NFKB1: variants seen among roughly 807,000 people sequenced by gnomAD.
NFKB1 encodes the protein nuclear factor NF-kappa-B p105 subunit.
NFKB1 carries 9 observed loss-of-function variants against 105.1 expected under a neutral mutation model. The ratio of observed to expected loss-of-function variants is 0.09; its 90% CI spans 0.05 to 0.15. The LOEUF (loss-of-function observed/expected upper bound fraction) is 0.15, where lower values mean the gene tolerates loss of function less well. Ranked by LOEUF, NFKB1 falls within the 10% of genes least tolerant of loss-of-function variation. The probability of loss-of-function intolerance (pLI) is 1.00; values close to 1 mark genes in which losing one functional copy is unlikely to be tolerated. For synonymous variants in NFKB1, 440 were observed against 442.2 expected, an observed-to-expected ratio of 1.00 and a Z score of 0.06; for missense variants, 830 against 1,203.7, an observed-to-expected ratio of 0.69 and a Z score of 4.59.
At chr4:102,554,140 TG>T (rs958757886) in intron 5 of NFKB1, among the ~76,000 whole-genome samples, 50 of 152,278 alleles carry the variant, frequency 3.3e-4, no homozygotes, top group African/African-American at 1.1e-3. Flanking sequence ...CTAGTGATTC[TG>T]CAAATGAAGA....
chr4:102,550,271 G>T (rs1722473742), intron 5 of NFKB1, among the ~76,000 whole-genome samples: 1 of 151,682 alleles, frequency 6.6e-6, no homozygotes, highest in African/African-American at 2.4e-5. Flanking sequence ...CCTTATTTCT[G>T]AAATTGTAAG....
rs1578724185 is a variant in NFKB1 at position 102,528,050 on chromosome 4, A to G, written c.40-1786A>G. Among the ~76,000 whole-genome samples the G allele has an allele frequency of 2.0e-5, 3 of 152,072 alleles. No individual in the cohort carries two copies. In the East Asian group the frequency reaches 5.8e-4, roughly 29 times the overall value. ...GTGGTTTATATTTCCTAAAGTTTGCATGTCCTCAGTGTTTTAGTGGAGTCT... is the reference window on the plus strand; with the variant it reads ...GTGGTTTATATTTCCTAAAGTTTGCGTGTCCTCAGTGTTTTAGTGGAGTCT... On this transcript the variant is annotated intron_variant, in intron 2 of 23. Transcript: ENST00000226574.
At chr4:102,561,244 G>A (rs772209506) in intron 5 of NFKB1, among the ~76,000 whole-genome samples, 58 of 146,958 alleles carry the variant, frequency 3.9e-4, no homozygotes, top group African/African-American at 1.3e-3. Context: ...TTAAAATAGC[G>A]TTATTCTCTT....
At chr4:102,546,090 T>A (rs1305386002) in intron 5 of NFKB1, among the ~76,000 whole-genome samples, 5 of 152,006 alleles carry the variant, frequency 3.3e-5, no homozygotes, top group Admixed American at 3.3e-4. Context: ...CCTGTCTCTA[T>A]AAAAAAAATT....
At chr4:102,584,863 T>C in intron 11 of NFKB1, 43 bp downstream of exon 11, 1 of 1,540,696 alleles carries the variant, frequency 6.5e-7, no homozygotes, top group Non-Finnish European at 8.8e-7. Context: ...TTTTATTTTA[T>C]TTTATTTTTG....
At chr4:102,551,367 T>TGTGTGTGCGCGC (rs370790173) in intron 5 of NFKB1, among the ~76,000 whole-genome samples, 10 of 150,094 alleles carry the variant, frequency 6.7e-5, no homozygotes, top group African/African-American at 2.2e-4. Flanking sequence ...TGTGTGTGTG[T>TGTGTGTGCGCGC]GCGCGCGCGC....
chr4:102,562,843 G>A (rs547708639), intron 5 of NFKB1, among the ~76,000 whole-genome samples: 5 of 152,244 alleles, frequency 3.3e-5, no homozygotes, highest in East Asian at 1.9e-4. Context: ...ACAGATTTCC[G>A]TTTGAAAATT....
chr4:102,598,313 A>G (rs537168904), intron 15 of NFKB1, among the ~76,000 whole-genome samples: 1 of 152,270 alleles, frequency 6.6e-6, no homozygotes, highest in South Asian at 2.1e-4. Flanking sequence ...TTTCATTGAG[A>G]CTTCTAAAAT....
intron 16 of NFKB1, among the ~76,000 whole-genome samples, chr4:102,606,276 A>G (rs1727713713): frequency 6.6e-6 from 1 of 152,252 alleles, no homozygotes; most frequent in South Asian, 2.1e-4. Context: ...GAATTTTAAA[A>G]CATGAATTAT....
At chr4:102,537,684 C>T (rs889504352) in intron 4 of NFKB1, 174 bp from the exon 5 acceptor site, 7 of 488,836 alleles carry the variant, frequency 1.4e-5, no homozygotes, top group Middle Eastern at 5.4e-4. Context: ...TACCATTTTT[C>T]GTAGTAAGAT....
At chr4:102,527,511 G>A (rs1396316896) in intron 2 of NFKB1, among the ~76,000 whole-genome samples, 1 of 152,232 alleles carries the variant, frequency 6.6e-6, no homozygotes, top group East Asian at 1.9e-4. Flanking sequence ...ATGTTTTAAA[G>A]GCTCTGGTAT....
Position 102,567,134 on chromosome 4 carries a change from G to T in NFKB1, c.406G>T (p.Gly136Cys), listed in dbSNP as rs199574943. ...VTAGPKDMVVGFANLGILHVT... is the reference protein window; with the variant it reads ...VTAGPKDMVVCFANLGILHVT... ...TGCTGGACCCAAGGACATGGTGGTC[G>T]GGTAAGTAGGGGTATATGATGCTGT... is the stretch of plus-strand genomic sequence containing the variant. Residue 136 changes from glycine (G) to cysteine (C), a missense_variant and splice_region_variant, in exon 6 of 24, where the codon GGC (glycine) becomes TGC (cysteine). By Grantham distance (159) the Gly-to-Cys change is radical (BLOSUM62 -3). Transcript: ENST00000226574. The T allele has an allele frequency of 6.2e-7, 1 of 1,613,330 alleles. No individual in the cohort carries two copies. Among genetic ancestry groups the T allele is most frequent in the African/African-American group, 1.3e-5 (1 of 75,022 alleles).
intron 5 of NFKB1, among the ~76,000 whole-genome samples, chr4:102,555,758 T>C (rs950451056): frequency 1.3e-5 from 2 of 152,168 alleles, no homozygotes; most frequent in Admixed American, 1.3e-4. Context: ...GCAAGGGTGG[T>C]AAGAAGGCTG....
intron 1 of NFKB1, among the ~76,000 whole-genome samples, chr4:102,505,006 GAAGAAAAA>G (rs1395616642): frequency 5.9e-5 from 9 of 151,970 alleles, no homozygotes; most frequent in Admixed American, 4.6e-4. Flanking sequence ...CTCACTTTTA[GAAGAAAAA>G]AAGAGAAAAA....
chr4:102,518,770 T>C lies in NFKB1; in HGVS notation c.-7-6742T>C, dbSNP rs1740370484. 2.0e-5 allele frequency among the ~76,000 whole-genome samples: 3 copies of C among 152,260 alleles called. No homozygotes were observed. In the South Asian group the frequency reaches 6.2e-4, roughly 32 times the overall value. On this transcript the variant is annotated intron_variant, in intron 1 of 23. Transcript: ENST00000226574. ...CCCTACTGCTGTTTGTCTGAAGTTG[T>C]TTTGGCTACTCAGCTGGTGCTAGGG... is the stretch of plus-strand genomic sequence containing the variant.
At chr4:102,558,238 G>A (rs1723137472) in intron 5 of NFKB1, among the ~76,000 whole-genome samples, 1 of 151,868 alleles carries the variant, frequency 6.6e-6, no homozygotes, top group Non-Finnish European at 1.5e-5. Context: ...TTCCCTCTAT[G>A]TGGCAATGTG....
In NFKB1 at chr4:102,567,010, A is replaced by C; in HGVS notation, c.282A>C (p.Ala94=). ...QVKICNYVGP[A]KVIVQLVTNG... ...AGATCTGCAACTATGTGGGACCAGC[A>C]AAGGTTATTGTTCAGTTGGTCACAA... Residue 94 remains alanine, a synonymous_variant, in exon 6 of 24, where the codon GCA becomes GCC. Transcript: ENST00000226574. The C allele has an allele frequency of 6.2e-7, 1 of 1,614,034 alleles. No homozygotes were observed. Among genetic ancestry groups the C allele is most frequent in the Non-Finnish European group, 8.5e-7 (1 of 1,179,874 alleles).
chr4:102,543,740 C>T (rs1721912431), intron 5 of NFKB1, among the ~76,000 whole-genome samples: 1 of 152,112 alleles, frequency 6.6e-6, no homozygotes, highest in Non-Finnish European at 1.5e-5. Context: ...GCATAATCTC[C>T]CTTTCCTTTG....
intron 21 of NFKB1, 26 bp from the exon 22 acceptor site, chr4:102,612,408 G>A: frequency 6.2e-7 from 1 of 1,607,224 alleles, no homozygotes; most frequent in East Asian, 2.2e-5. Flanking sequence ...GTTAGAACAA[G>A]TGTGTTCCTT....
Sources: allele counts gnomAD v4.1 joint callset (sites outside exome capture counted in the v4.1 genomes callset), GRCh38; gene constraint gnomAD v4.1.1; transcripts MANE v1.5; gene names NCBI Gene and HGNC (gene_info 2026-07-23, HGNC 2026-07-21).